FAM227B: variants seen among roughly 807,000 people sequenced by gnomAD.
The protein encoded by FAM227B is protein FAM227B.
A neutral mutation model predicts 73.8 loss-of-function variants in FAM227B; 88 were observed. The ratio of observed to expected loss-of-function variants is 1.19; its 90% CI spans 1.00 to 1.42. FAM227B has a LOEUF of 1.42. FAM227B is among the 40% of genes most tolerant of loss of function. FAM227B has a pLI of 0.00. For missense variants in FAM227B, 632 were observed against 590.9 expected (o/e 1.07, Z -0.72); for synonymous variants, 210 against 190.5 (o/e 1.10, Z -0.84).
At chr15:49,576,107 G>A (rs538311741) in intron 7 of FAM227B, 1 of 152,288 alleles carries the variant, frequency 6.6e-6, no homozygotes, top group African/African-American at 2.4e-5. Flanking sequence ...ACTAAGTATA[G>A]TATGATGTAC....
At chr15:49,378,274 T>C (rs1383375863) in intron 11 of FAM227B, among the ~76,000 whole-genome samples, 1 of 151,882 alleles carries the variant, frequency 6.6e-6, no homozygotes, top group South Asian at 2.1e-4. Context: ...TTGCTCTTTT[T>C]GCTTAGGATA....
chr15:49,400,674 C>T (rs2151628747), intron 11 of FAM227B, among the ~76,000 whole-genome samples: 1 of 141,338 alleles, frequency 7.1e-6, no homozygotes, highest in African/African-American at 2.7e-5. Flanking sequence ...TGGAACAGAA[C>T]AGAGCCCTCA....
At chr15:49,578,846 CAATT>C (rs1309829141) in intron 5 of FAM227B, among the ~76,000 whole-genome samples, 1 of 152,108 alleles carries the variant, frequency 6.6e-6, no homozygotes, top group Admixed American at 6.6e-5. Flanking sequence ...GCAAAGGAAA[CAATT>C]AACAGAGTGA....
At chr15:49,467,343 C>A (rs2054358748) in intron 11 of FAM227B, among the ~76,000 whole-genome samples, 1 of 152,094 alleles carries the variant, frequency 6.6e-6, no homozygotes, top group Non-Finnish European at 1.5e-5. Flanking sequence ...TCACTTTCTT[C>A]TAGCCCCATC....
chr15:49,475,825 T>C (rs1047794664), intron 11 of FAM227B, among the ~76,000 whole-genome samples: 15 of 152,086 alleles, frequency 9.9e-5, no homozygotes, highest in Non-Finnish European at 1.3e-4. Context: ...GGGTCTCTAC[T>C]AAAATTACAA....
intron 11 of FAM227B, among the ~76,000 whole-genome samples, chr15:49,450,413 A>G (rs890560867): frequency 6.6e-6 from 1 of 151,820 alleles, no homozygotes; most frequent in East Asian, 1.9e-4. Flanking sequence ...CCTTATACTG[A>G]CCCTTCAAAA....
intron 10 of FAM227B, among the ~76,000 whole-genome samples, chr15:49,522,173 A>T (rs2059838301): frequency 1.3e-5 from 2 of 152,226 alleles, no homozygotes; most frequent in African/African-American, 4.8e-5. Flanking sequence ...AAAGCTATCT[A>T]TAAGCAAGGA....
At chr15:49,502,233 C>T (rs1316735661) in intron 11 of FAM227B, among the ~76,000 whole-genome samples, 1 of 152,230 alleles carries the variant, frequency 6.6e-6, no homozygotes, top group Non-Finnish European at 1.5e-5. Flanking sequence ...AAGGGGGCCA[C>T]TGCCCTCCAG....
intron 2 of FAM227B, among the ~76,000 whole-genome samples, chr15:49,613,609 T>C (rs1014681972): frequency 6.6e-6 from 1 of 152,132 alleles, no homozygotes; most frequent in Non-Finnish European, 1.5e-5. Flanking sequence ...CATTTTAAAA[T>C]AAATAAAAGA....
At chr15:49,605,827 G>A (rs951737095) in intron 3 of FAM227B, among the ~76,000 whole-genome samples, 3 of 152,080 alleles carry the variant, frequency 2.0e-5, no homozygotes, top group Admixed American at 2.0e-4. Flanking sequence ...CTGGCATGGA[G>A]CTGGAGTTTG....
chr15:49,451,669 T>C (rs996960026), intron 11 of FAM227B, among the ~76,000 whole-genome samples: 4 of 152,156 alleles, frequency 2.6e-5, no homozygotes, highest in Non-Finnish European at 4.4e-5. Context: ...CAAGCCAAAC[T>C]GAACTCTAAT....
Position 49,488,676 on chromosome 15 carries a change from T to A in FAM227B, c.1012+19535A>T, listed in dbSNP as rs559236862. 7 of 152,176 alleles carry A rather than the reference T, an allele frequency of 4.6e-5. 1 individual carries two copies. In the South Asian group the frequency reaches 1.5e-3, roughly 32 times the overall value. 9.4% of individuals were successfully genotyped at this position (152,176 alleles called of 1,614,324 possible). On this transcript the variant is annotated intron_variant, in intron 11 of 15. Transcript: ENST00000299338. ...TAATAATTGAAATGTGAGATGAAAA[T>A]AACATTTCACTTATGAAAAACCCTT... is the stretch of plus-strand genomic sequence containing the variant.
chr15:49,332,249 C>CA (rs1180136916), intron 14 of FAM227B, among the ~76,000 whole-genome samples: 1 of 152,192 alleles, frequency 6.6e-6, no homozygotes, highest in Non-Finnish European at 1.5e-5. Flanking sequence ...ATGGTTTACA[C>CA]AGTATTGCTT....
intron 11 of FAM227B, among the ~76,000 whole-genome samples, chr15:49,449,353 C>T (rs2052513534): frequency 6.6e-6 from 1 of 152,004 alleles, no homozygotes; most frequent in Non-Finnish European, 1.5e-5. Flanking sequence ...CTCTATAGGA[C>T]AGTGATTTTA....
chr15:49,508,444 T>A, intron 10 of FAM227B, 96 bp from the exon 11 acceptor site: 1 of 1,146,306 alleles, frequency 8.7e-7, no homozygotes, highest in Non-Finnish European at 1.2e-6. Flanking sequence ...ATACATTTCA[T>A]CCTCACAACA....
chr15:49,619,682 T>A (rs1015977617), intron 1 of FAM227B, among the ~76,000 whole-genome samples: 1 of 152,240 alleles, frequency 6.6e-6, no homozygotes, highest in Non-Finnish European at 1.5e-5. Flanking sequence ...ATCTAACAAG[T>A]AGTATTATTT....
intron 12 of FAM227B, among the ~76,000 whole-genome samples, chr15:49,368,096 G>C (rs2045493778): frequency 6.6e-6 from 1 of 151,710 alleles, no homozygotes; most frequent in African/African-American, 2.4e-5. Flanking sequence ...ATATATAGGG[G>C]AACTTTAAAA....
At chr15:49,352,422 G>A (rs1306510633) in intron 13 of FAM227B, among the ~76,000 whole-genome samples, 2 of 152,180 alleles carry the variant, frequency 1.3e-5, no homozygotes, top group African/African-American at 4.8e-5. Flanking sequence ...ATCTGCCATA[G>A]GACTTATGTT....
At chr15:49,512,893 C>T (rs773512271) in intron 10 of FAM227B, among the ~76,000 whole-genome samples, 1 of 152,114 alleles carries the variant, frequency 6.6e-6, no homozygotes, top group Non-Finnish European at 1.5e-5. Flanking sequence ...AGGATGATGG[C>T]TTCTAGCTTC....
Sources: allele counts gnomAD v4.1 joint callset (sites outside exome capture counted in the v4.1 genomes callset), GRCh38; gene constraint gnomAD v4.1.1; transcripts MANE v1.5; gene names NCBI Gene and HGNC (gene_info 2026-07-23, HGNC 2026-07-21).